Variants in TXNDC5 observed in about 807,000 individuals in gnomAD.
TXNDC5 encodes thioredoxin domain-containing protein 5.
In TXNDC5, 44 loss-of-function variants were observed where a neutral mutation model predicts 52.6. The observed-to-expected ratio is 0.84, with a 90% confidence interval of 0.66 to 1.08. The LOEUF (loss-of-function observed/expected upper bound fraction) is 1.08, where lower values mean the gene tolerates loss of function less well. Among genes scored for constraint, TXNDC5 ranks in the 50% least tolerant of loss-of-function variants. The probability of loss-of-function intolerance (pLI) is 0.00; values close to 1 mark genes in which losing one functional copy is unlikely to be tolerated. For synonymous variants in TXNDC5, 241 were observed against 234.4 expected (o/e 1.03, Z -0.26); for missense variants, 600 against 565.5 (o/e 1.06, Z -0.62).
Position 7,889,593 on chromosome 6 carries a change from A to C in TXNDC5, c.733-12T>G, listed in dbSNP as rs963425155. The C allele has an allele frequency of 6.3e-7, 1 of 1,598,954 alleles. No individual in the cohort carries two copies. The highest frequency in any genetic ancestry group is 1.3e-5 in the African/African-American group (1 of 74,874). The stretch of plus-strand genomic sequence containing the variant: ...TGTGTACAATCAACCTGAGAATAAA[A>C]GCAGATCAACTTCCCAGTCAGTTTC... On this transcript the variant is annotated splice_polypyrimidine_tract_variant and intron_variant, in intron 5 of 9. Coordinates refer to ENST00000379757, the MANE Select transcript of TXNDC5 (RefSeq NM_030810.5).
chr6:7,901,382 A>G (rs1760561540), intron 2 of TXNDC5, among the ~76,000 whole-genome samples: 1 of 152,226 alleles, frequency 6.6e-6, no homozygotes, highest in African/African-American at 2.4e-5. Context: ...AGACATCAGA[A>G]AGGACCAGGG....
chr6:7,885,674 CA>C (rs997092441), intron 8 of TXNDC5, among the ~76,000 whole-genome samples: 8 of 152,188 alleles, frequency 5.3e-5, no homozygotes. Flanking sequence ...AATTTGCCTC[CA>C]TTTTTATGTT....
chr6:7,903,702 C>T (rs1427721475), intron 2 of TXNDC5, among the ~76,000 whole-genome samples: 1 of 152,238 alleles, frequency 6.6e-6, no homozygotes, highest in Non-Finnish European at 1.5e-5. Flanking sequence ...ATAGAATTGA[C>T]TTCATTCCTC....
At chr6:7,893,667 C>A (rs1005506089) in intron 4 of TXNDC5, among the ~76,000 whole-genome samples, 4 of 152,206 alleles carry the variant, frequency 2.6e-5, no homozygotes, top group East Asian at 1.9e-4. Flanking sequence ...AGAGTTCTGC[C>A]GTCAGGGCGC....
At chr6:7,893,240 C>G (rs115905466) in intron 4 of TXNDC5, among the ~76,000 whole-genome samples, 2,835 of 152,320 alleles carry the variant, frequency 0.019, 93 homozygotes, top group African/African-American at 0.064. Context: ...GGCCTGGCGT[C>G]TGAGCAGGAC....
chr6:7,888,173 A>T (rs1429943409), intron 7 of TXNDC5, among the ~76,000 whole-genome samples: 1 of 152,108 alleles, frequency 6.6e-6, no homozygotes, highest in South Asian at 2.1e-4. Context: ...ACCTCCTGCT[A>T]CCTGAGTGAA....
chr6:7,883,375 G>C (rs1048230305), intron 9 of TXNDC5, 109 bp from the exon 10 acceptor site: 3 of 1,520,854 alleles, frequency 2.0e-6, no homozygotes, highest in Non-Finnish European at 1.8e-6. Flanking sequence ...GAAAAATTCT[G>C]TGGCTAATTT....
At position 7,903,143 on chromosome 6, in the gene TXNDC5, G is replaced by GC. The variant is rs1183402710; in HGVS notation, c.413+1430dup. 7.2e-5 allele frequency among the ~76,000 whole-genome samples: 11 copies of GC among 152,212 alleles called. 1 individual carries two copies. Among genetic ancestry groups the GC allele is most frequent in the African/African-American group, 2.7e-4 (11 of 41,448 alleles). On this transcript the variant is annotated intron_variant, in intron 2 of 9. Coordinates refer to ENST00000379757, the MANE Select transcript of TXNDC5 (RefSeq NM_030810.5). ...CCCCTGCTGCCCCTGAACTTTGAAA[G>GC]CAACAGTTTCTCAACAGGTAAGCAT...
At chr6:7,884,242 TAAAA>T in intron 9 of TXNDC5, 113 bp downstream of exon 9, 1 of 1,417,012 alleles carries the variant, frequency 7.1e-7, no homozygotes, top group Non-Finnish European at 9.6e-7. Flanking sequence ...CAAAGGGACA[TAAAA>T]ACCACATTGT....
chr6:7,901,524 C>G (rs935420654), intron 2 of TXNDC5, among the ~76,000 whole-genome samples: 3 of 152,172 alleles, frequency 2.0e-5, no homozygotes, highest in African/African-American at 7.2e-5. Context: ...GACTGATAAT[C>G]GTTCTAACCT....
chr6:7,883,024 C>T lies in TXNDC5; in HGVS notation c.*120G>A, dbSNP rs988543476. The T allele has an allele frequency of 1.6e-5, 22 of 1,360,402 alleles. No individual in the cohort carries two copies. Among genetic ancestry groups the T allele is most frequent in the East Asian group, 7.2e-5 (3 of 41,886 alleles). 84.3% of individuals were successfully genotyped at this position (1,360,402 alleles called of 1,614,324 possible). A position where few individuals can be genotyped will look rare whatever the true frequency, so the allele number is the denominator to read the frequency against. ...ACACACACACAAAGAAGATACCTCA[C>T]GCTTAGTATGTTCTGCTTTCTGAAC... On this transcript the variant is annotated 3_prime_UTR_variant, in exon 10 of 10. Coordinates refer to ENST00000379757, the MANE Select transcript of TXNDC5 (RefSeq NM_030810.5).
chr6:7,904,664 C>G lies in TXNDC5; in HGVS notation c.323G>C (p.Ser108Thr). The change falls in exon 2 of 10, where the codon AGC (serine) becomes ACC (threonine). Residue 108 changes from serine to threonine, a missense_variant. Ser to Thr is a moderately conservative substitution (Grantham distance 58). Transcript: ENST00000379757. ...TWNDLGDKYN[S>T]MEDAKVYVAK... ...CACATAGACTTTGGCATCTTCCATGCTGTTGTATTTGTCTCCCAGGTCATT... is the reference window on the plus strand; with the variant it reads ...CACATAGACTTTGGCATCTTCCATGGTGTTGTATTTGTCTCCCAGGTCATT... The G allele has an allele frequency of 6.2e-7, 1 of 1,614,220 alleles. No individual in the cohort carries two copies.
In TXNDC5 at chr6:7,895,747, T is replaced by C. The variant is rs141159702; in HGVS notation, c.520-545A>G. ...CCAGCCTAGGTGACAGCCTAGCATT[T>C]TGGGAGGCTGAGGCAAGAGGACTGC... On this transcript the variant is annotated intron_variant, in intron 3 of 9. Coordinates refer to ENST00000379757, the MANE Select transcript of TXNDC5 (RefSeq NM_030810.5). 2.7e-4 allele frequency among the ~76,000 whole-genome samples: 41 copies of C among 151,636 alleles called. No individual in the cohort carries two copies. In the East Asian group the frequency reaches 7.8e-3, roughly 29 times the overall value.
At chr6:7,888,619 A>G in intron 7 of TXNDC5, 86 bp downstream of exon 7, 1 of 1,467,922 alleles carries the variant, frequency 6.8e-7, no homozygotes, top group Non-Finnish European at 9.0e-7. Flanking sequence ...TGTCCAAAGC[A>G]TTTGAGGAGG....
Position 7,910,635 on chromosome 6 carries a change from C to T in TXNDC5, c.142G>A (p.Gly48Arg). Reference sequence around the variant, plus strand: ...TCCTCGCCGTCTGCCGCGGGGGGCCCGTCCGCCGCCGCCGCCGCCGCCTCC... The same window carrying T: ...TCCTCGCCGTCTGCCGCGGGGGGCCTGTCCGCCGCCGCCGCCGCCGCCTCC... ...AQEAAAAAAD[G>R]PPAADGEDGQ... Residue 48 changes from glycine (G) to arginine (R), a missense_variant, in exon 1 of 10, where the codon GGG becomes AGG. Gly to Arg is a moderately radical substitution (Grantham distance 125). Transcript: ENST00000379757. 7.7e-7 allele frequency: 1 copy of T among 1,305,532 alleles called. No individual in the cohort carries two copies. Among genetic ancestry groups the T allele is most frequent in the Non-Finnish European group, 9.9e-7 (1 of 1,006,324 alleles). 80.9% of individuals were successfully genotyped at this position (1,305,532 alleles called of 1,614,324 possible). A position where few individuals can be genotyped will look rare whatever the true frequency, so the allele number is the denominator to read the frequency against.
At chr6:7,900,015 T>C (rs546102690) in intron 2 of TXNDC5, 80 of 131,650 alleles carry the variant, frequency 6.1e-4, no homozygotes, top group African/African-American at 2.6e-3. Flanking sequence ...ACTGTTATGC[T>C]TTCCCGGCTT....
At chr6:7,894,736 T>C (rs749122246) in intron 4 of TXNDC5, 16 of 985,456 alleles carry the variant, frequency 1.6e-5, no homozygotes, top group African/African-American at 1.7e-5. Flanking sequence ...ACCTGCCAGA[T>C]GCTGGGCTGC....
At chr6:7,903,351 A>G (rs1043959711) in intron 2 of TXNDC5, among the ~76,000 whole-genome samples, 22 of 152,358 alleles carry the variant, frequency 1.4e-4, no homozygotes, top group Non-Finnish European at 2.6e-4. Flanking sequence ...TTACATTAGC[A>G]AGCAGTCACC....
chr6:7,884,509 G>C (rs1759889502), intron 8 of TXNDC5, 21 bp from the exon 9 acceptor site: 1 of 1,613,642 alleles, frequency 6.2e-7, no homozygotes, highest in Non-Finnish European at 8.5e-7. Flanking sequence ...AAAAATGGCA[G>C]CTTCGTTGAA....
Sources: gnomAD v4.1 joint callset for allele counts (sites outside exome capture counted in the v4.1 genomes callset) on GRCh38, gnomAD v4.1.1 for gene constraint, MANE v1.5 for transcripts, NCBI Gene and HGNC (gene_info 2026-07-23, HGNC 2026-07-21) for gene names.